Variants in GNE observed in about 807,000 individuals in gnomAD.
GNE encodes bifunctional UDP-N-acetylglucosamine 2-epimerase/N-acetylmannosamine kinase.
GNE carries 41 observed loss-of-function variants against 61.8 expected under a neutral mutation model. That is an observed-to-expected ratio of 0.66 (90% CI 0.52 to 0.86). The LOEUF is 0.86. Ranked by LOEUF, GNE falls within the 40% of genes least tolerant of loss-of-function variation. GNE has a pLI of 0.00. For missense variants in GNE, 608 were observed against 909.1 expected (o/e 0.67, Z 4.26); for synonymous variants, 264 against 326.4 (o/e 0.81, Z 2.06).
At chr9:36,265,762 T>C (rs1830755842) in intron 1 of GNE, among the ~76,000 whole-genome samples, 1 of 152,120 alleles carries the variant, frequency 6.6e-6, no homozygotes, top group Admixed American at 6.6e-5. Context: ...GGCATTAAAT[T>C]CTCATAAGGA....
intron 1 of GNE, among the ~76,000 whole-genome samples, chr9:36,267,026 A>G (rs1337794539): frequency 6.6e-6 from 1 of 152,228 alleles, no homozygotes; most frequent in South Asian, 2.1e-4. Flanking sequence ...AGATCGTGCC[A>G]CTGCATTGCA....
At position 36,227,204 on chromosome 9, in the gene GNE, C is replaced by T. The variant is rs16933102; in HGVS notation, c.1281+44G>A. On this transcript the variant is annotated intron_variant, in intron 7 of 11. Transcript: ENST00000642385. ...ATATATACTTAAAAAAAAAATCAAT[C>T]GCTCATATGGGATATAAAGTTAGGA... 7.3e-3 allele frequency: 8,922 copies of T among 1,230,326 alleles called. 374 individuals carry two copies. In the African/African-American group the frequency reaches 0.095, roughly 13 times the overall value. The allele number at this position is 1,230,326 out of a possible 1,614,324, so 76.2% of individuals were successfully genotyped here.
Position 36,228,955 on chromosome 9 carries a change from G to T in GNE, c.1070+66C>A. On this transcript the variant is annotated intron_variant, in intron 6 of 11. Transcript: ENST00000642385. ...TTAGGATGATTAAACAGTGATTGTA[G>T]CTTTAAAATGGTACTGAAGGTAGCT... is the stretch of plus-strand genomic sequence containing the variant. The T allele has an allele frequency of 1.3e-5, 12 of 916,566 alleles. No individual in the cohort carries two copies. The South Asian group carries it at 1.4e-4, about 11-fold the overall frequency. 56.8% of individuals were successfully genotyped at this position (916,566 alleles called of 1,614,324 possible). A position where few individuals can be genotyped will look rare whatever the true frequency, so the allele number is the denominator to read the frequency against.
At position 36,256,239 on chromosome 9, in the gene GNE, C is replaced by CT. The variant is rs34215482; in HGVS notation, c.-43+2081dup. Among the ~76,000 whole-genome samples, 459 of 55,982 alleles carry CT rather than the reference C, an allele frequency of 8.2e-3. 27 individuals carry two copies. Among genetic ancestry groups the CT allele is most frequent in the Admixed American group, 0.017 (67 of 3,944 alleles). The allele number at this position is 55,982 out of a possible 152,430, so 36.7% of individuals were successfully genotyped here. A position where few individuals can be genotyped will look rare whatever the true frequency, so the allele number is the denominator to read the frequency against. Reference sequence around the variant, plus strand: ...CATACCCAGCCAGAGAAACCCAATTCTTTTTTTTTTTTTTTTTTTTTTTTT... The same window carrying CT: ...CATACCCAGCCAGAGAAACCCAATTCTTTTTTTTTTTTTTTTTTTTTTTTTT... On this transcript the variant is annotated intron_variant, in intron 1 of 11. Coordinates refer to ENST00000642385, the MANE Select transcript of GNE (RefSeq NM_005476.7).
At chr9:36,227,801 C>T (rs1270527455) in intron 6 of GNE, among the ~76,000 whole-genome samples, 1 of 151,910 alleles carries the variant, frequency 6.6e-6, no homozygotes, top group Non-Finnish European at 1.5e-5. Flanking sequence ...TTTGGGAGGT[C>T]GAGGCTGGCG....
Position 36,215,305 on chromosome 9 carries a change from AC to A in GNE, c.*2059del, listed in dbSNP as rs1828222540. ...ACTCCAGCCTGGGTGACAGAGTGAG[AC>A]CCGTCTCAAAAAAATAGAACACCTG... is the stretch of plus-strand genomic sequence containing the variant. On this transcript the variant is annotated 3_prime_UTR_variant, in exon 12 of 12. Coordinates refer to ENST00000642385, the MANE Select transcript of GNE (RefSeq NM_005476.7). 2 of 152,084 alleles carry A rather than the reference AC, an allele frequency of 1.3e-5. No homozygotes were observed. The highest frequency in any genetic ancestry group is 2.4e-5 in the African/African-American group (1 of 41,402). 9.4% of individuals were successfully genotyped at this position (152,084 alleles called of 1,614,324 possible). A position where few individuals can be genotyped will look rare whatever the true frequency, so the allele number is the denominator to read the frequency against.
chr9:36,217,857 ATGT>A (rs1347165691), intron 11 of GNE, among the ~76,000 whole-genome samples: 1 of 152,212 alleles, frequency 6.6e-6, no homozygotes, highest in Non-Finnish European at 1.5e-5. Flanking sequence ...CTCGAAGGAA[ATGT>A]TAATAGTTGA....
chr9:36,217,255 A>T lies in GNE; in HGVS notation c.*110T>A, dbSNP rs1003826980. On this transcript the variant is annotated 3_prime_UTR_variant, in exon 12 of 12. Coordinates refer to ENST00000642385, the MANE Select transcript of GNE (RefSeq NM_005476.7). ...GTGAAAACATTTCTCTGCCAAAGTC[A>T]CCTGCAGTTCAATACCAGATTTGAT... 21 of 769,910 alleles carry T rather than the reference A, an allele frequency of 2.7e-5. No individual in the cohort carries two copies. The Admixed American group carries it at 4.0e-4, about 15-fold the overall frequency. The allele number at this position is 769,910 out of a possible 1,614,324, so 47.7% of individuals were successfully genotyped here.
chr9:36,258,591 G>T, upstream of GNE: 1 of 836,584 alleles, frequency 1.2e-6, no homozygotes. Context: ...CCTTCCCGGC[G>T]GTATTTTGAG....
In GNE at chr9:36,246,049, T is replaced by A. The variant is rs369328625; in HGVS notation, c.598A>T (p.Ile200Phe). Reference protein sequence around the residue: ...LSAKNKDYMSIIRMWLGDDVK... With the variant: ...LSAKNKDYMSFIRMWLGDDVK... ...TACGTACCTAGCCACATGCGAATGATGCTCATGTAGTCTTTGTTCTTGGCT... is the reference window on the plus strand; with the variant it reads ...TACGTACCTAGCCACATGCGAATGAAGCTCATGTAGTCTTTGTTCTTGGCT... The change falls in exon 3 of 12, where the codon ATC (isoleucine) becomes TTC (phenylalanine). Residue 200 changes from isoleucine (I) to phenylalanine (F), a missense_variant. By Grantham distance (21) the Ile-to-Phe change is conservative. Coordinates refer to ENST00000642385, the MANE Select transcript of GNE (RefSeq NM_005476.7). 175 of 1,613,940 alleles carry A rather than the reference T, an allele frequency of 1.1e-4. No individual in the cohort carries two copies. Among genetic ancestry groups the A allele is most frequent in the Non-Finnish European group, 1.4e-4 (162 of 1,179,932 alleles).
At chr9:36,271,596 A>G (rs1831030479) in intron 1 of GNE, among the ~76,000 whole-genome samples, 1 of 151,560 alleles carries the variant, frequency 6.6e-6, no homozygotes, top group Non-Finnish European at 1.5e-5. Flanking sequence ...CTAGTCTCGA[A>G]CTCCTGACCT....
At chr9:36,232,314 C>T (rs1829193956) in intron 5 of GNE, among the ~76,000 whole-genome samples, 1 of 151,018 alleles carries the variant, frequency 6.6e-6, no homozygotes, top group Admixed American at 6.6e-5. Flanking sequence ...ACTGGTCTCC[C>T]TGCTTTTATT....
rs1354411812 is a variant in GNE at position 36,216,418 on chromosome 9, C to G, written c.*947G>C. The G allele has an allele frequency of 9.7e-6, 3 of 309,890 alleles. No individual in the cohort carries two copies. The highest frequency in any genetic ancestry group is 4.4e-5 in the African/African-American group (2 of 45,198). The allele number at this position is 309,890 out of a possible 1,614,324, so 19.2% of individuals were successfully genotyped here. A position where few individuals can be genotyped will look rare whatever the true frequency, so the allele number is the denominator to read the frequency against. On this transcript the variant is annotated 3_prime_UTR_variant, in exon 12 of 12. Coordinates refer to ENST00000642385, the MANE Select transcript of GNE (RefSeq NM_005476.7). The stretch of plus-strand genomic sequence containing the variant: ...TGGCATGATCTCGGCTCACTGCAAC[C>G]TCCGCCTCCCGGGTTCAAGCAATTC...
chr9:36,220,342 C>G (rs1175782867), intron 9 of GNE, among the ~76,000 whole-genome samples: 1 of 152,194 alleles, frequency 6.6e-6, no homozygotes, highest in African/African-American at 2.4e-5. Flanking sequence ...GTCCATCTTT[C>G]TGCACCAAGG....
chr9:36,260,893 A>AAAAAAAAAAAAAC (rs1563957476), upstream of GNE, among the ~76,000 whole-genome samples: 2 of 136,982 alleles, frequency 1.5e-5, 1 homozygote, highest in Non-Finnish European at 3.1e-5. Flanking sequence ...AAAAAAAAAA[A>AAAAAAAAAAAAAC]AAAAAAACCC....
chr9:36,253,952 G>C (rs904833088), intron 1 of GNE, among the ~76,000 whole-genome samples: 5 of 151,988 alleles, frequency 3.3e-5, no homozygotes, highest in Non-Finnish European at 5.9e-5. Context: ...CAGGAGAGTT[G>C]CTTGAACCTG....
chr9:36,226,897 A>T (rs553315638), intron 7 of GNE, among the ~76,000 whole-genome samples: 9 of 152,286 alleles, frequency 5.9e-5, no homozygotes, highest in Non-Finnish European at 1.0e-4. Context: ...CCATTTGCTG[A>T]TACCCCTCAC....
In GNE at chr9:36,217,298, C is replaced by A; in HGVS notation, c.*67G>T. The A allele has an allele frequency of 9.5e-7, 1 of 1,048,096 alleles. No individual in the cohort carries two copies. Among genetic ancestry groups the A allele is most frequent in the African/African-American group, 1.6e-5 (1 of 64,214 alleles). 64.9% of individuals were successfully genotyped at this position (1,048,096 alleles called of 1,614,324 possible). Reference sequence around the variant, plus strand: ...GATTTGATTGTTAAGAAACGGTCATCCTAAAGACAAGAACTTGATTCCACT... The same window carrying A: ...GATTTGATTGTTAAGAAACGGTCATACTAAAGACAAGAACTTGATTCCACT... On this transcript the variant is annotated 3_prime_UTR_variant, in exon 12 of 12. Coordinates refer to ENST00000642385, the MANE Select transcript of GNE (RefSeq NM_005476.7).
upstream of GNE, among the ~76,000 whole-genome samples, chr9:36,260,657 G>C (rs192274534): frequency 0.012 from 1,882 of 151,494 alleles, 35 homozygotes; most frequent in African/African-American, 0.042. Context: ...ATCACAAGGT[G>C]AGGAGATCGA....
Sources: allele counts gnomAD v4.1 joint callset (sites outside exome capture counted in the v4.1 genomes callset), GRCh38; gene constraint gnomAD v4.1.1; transcripts MANE v1.5; gene names NCBI Gene and HGNC (gene_info 2026-07-23, HGNC 2026-07-21).